The following ACAA2 variants were observed in gnomAD, a reference collection of about 807,000 sequenced individuals.
ACAA2 encodes 3-ketoacyl-CoA thiolase, mitochondrial.
ACAA2 carries 35 observed loss-of-function variants against 44.8 expected under a neutral mutation model. That is an observed-to-expected ratio of 0.78 (90% CI 0.60 to 1.04). The LOEUF (loss-of-function observed/expected upper bound fraction) is 1.04. Ranked by LOEUF, ACAA2 falls within the 50% of genes least tolerant of loss-of-function variation. The probability of loss-of-function intolerance (pLI) is 0.00; values close to 1 mark genes in which losing one functional copy is unlikely to be tolerated. For synonymous variants in ACAA2, 142 were observed against 166.5 expected (o/e 0.85, Z 1.13); for missense variants, 468 against 482.6 (o/e 0.97, Z 0.28).
At chr18:49,806,051 C>T (rs544923080) in intron 1 of ACAA2, among the ~76,000 whole-genome samples, 3 of 152,248 alleles carry the variant, frequency 2.0e-5, no homozygotes, top group South Asian at 2.1e-4. Context: ...ACAACTACTA[C>T]CTGACGGTCT....
At chr18:49,812,399 T>C (rs1343326264) in intron 1 of ACAA2, among the ~76,000 whole-genome samples, 1 of 152,200 alleles carries the variant, frequency 6.6e-6, no homozygotes, top group African/African-American at 2.4e-5. Flanking sequence ...GGCATCATCA[T>C]GAACACGGTT....
At chr18:49,808,388 C>G (rs1484550573) in intron 1 of ACAA2, among the ~76,000 whole-genome samples, 1 of 152,182 alleles carries the variant, frequency 6.6e-6, no homozygotes, top group Non-Finnish European at 1.5e-5. Context: ...TATGTTCAAA[C>G]AAAAACCTGC....
At chr18:49,800,057 G>C (rs188524751) in intron 2 of ACAA2, among the ~76,000 whole-genome samples, 1 of 151,328 alleles carries the variant, frequency 6.6e-6, no homozygotes, top group Non-Finnish European at 1.5e-5. Flanking sequence ...GTCTCCGCCC[G>C]GCAACCACGC....
chr18:49,801,904 A>G (rs2143970659), intron 2 of ACAA2, among the ~76,000 whole-genome samples: 1 of 151,320 alleles, frequency 6.6e-6, no homozygotes, highest in South Asian at 2.1e-4. Context: ...TATCCAACAA[A>G]TGTTTGTATA....
chr18:49,805,101 C>T (rs1248473865), intron 1 of ACAA2, among the ~76,000 whole-genome samples: 1 of 152,192 alleles, frequency 6.6e-6, no homozygotes, highest in Admixed American at 6.5e-5. Flanking sequence ...ACTTTATTCT[C>T]TCCAAGACAA....
intron 8 of ACAA2, 81 bp from the exon 9 acceptor site, chr18:49,785,432 C>T: frequency 7.3e-7 from 1 of 1,362,998 alleles, no homozygotes; most frequent in Non-Finnish European, 1.0e-6. Context: ...GTCCTATCAA[C>T]AGCTAAGTCT....
At chr18:49,789,655 T>C (rs1450543529) in intron 7 of ACAA2, among the ~76,000 whole-genome samples, 1 of 152,198 alleles carries the variant, frequency 6.6e-6, no homozygotes, top group East Asian at 1.9e-4. Flanking sequence ...TGTTTGATCA[T>C]CAAAAGCATC....
chr18:49,787,918 G>C (rs915739274), intron 7 of ACAA2, among the ~76,000 whole-genome samples: 1 of 152,120 alleles, frequency 6.6e-6, no homozygotes, highest in Non-Finnish European at 1.5e-5. Flanking sequence ...GAATTTTCAG[G>C]CCCATTTGGA....
At chr18:49,812,213 T>G (rs1192713820) in intron 1 of ACAA2, among the ~76,000 whole-genome samples, 1 of 152,222 alleles carries the variant, frequency 6.6e-6, no homozygotes, top group Admixed American at 6.5e-5. Flanking sequence ...ATTTTTCCCT[T>G]GATTTGTTCC....
At chr18:49,811,238 C>A (rs939978789) in intron 1 of ACAA2, among the ~76,000 whole-genome samples, 2 of 151,978 alleles carry the variant, frequency 1.3e-5, no homozygotes, top group Admixed American at 6.6e-5. Context: ...AGGAAAAGCA[C>A]CACTAGGAAA....
Position 49,783,500 on chromosome 18 carries a change from TAACTG to T in ACAA2, c.*342_*346del, listed in dbSNP as rs1292254242. The T allele has an allele frequency of 2.2e-5, 4 of 179,662 alleles. No individual in the cohort carries two copies. The highest frequency in any genetic ancestry group is 1.6e-4 in the South Asian group (1 of 6,186). The allele number at this position is 179,662 out of a possible 1,614,324, so 11.1% of individuals were successfully genotyped here. A position where few individuals can be genotyped will look rare whatever the true frequency, so the allele number is the denominator to read the frequency against. ...AAAAATATAAATGACAGGAAAATAT[TAACTG>T]AAGTTAAGGCAACATTTATTTGATT... On this transcript the variant is annotated 3_prime_UTR_variant, in exon 10 of 10. Transcript: ENST00000285093.
At chr18:49,788,934 T>C (rs1242211901) in intron 7 of ACAA2, among the ~76,000 whole-genome samples, 1 of 152,234 alleles carries the variant, frequency 6.6e-6, no homozygotes, top group Non-Finnish European at 1.5e-5. Flanking sequence ...TGCATCTCTC[T>C]GGGCAACAAG....
At chr18:49,805,750 CCTTT>C (rs2023603808) in intron 1 of ACAA2, among the ~76,000 whole-genome samples, 1 of 151,646 alleles carries the variant, frequency 6.6e-6, no homozygotes, top group South Asian at 2.1e-4. Flanking sequence ...CTAATTTTTA[CCTTT>C]TTTTCTTTTT....
At chr18:49,787,643 TAAAAAAGA>T (rs1213751884) in intron 7 of ACAA2, among the ~76,000 whole-genome samples, 3 of 151,210 alleles carry the variant, frequency 2.0e-5, no homozygotes, top group Non-Finnish European at 4.4e-5. Context: ...ACCCCATCTC[TAAAAAAGA>T]AAAAAAATAA....
rs183581727 is a variant in ACAA2, at chr18:49,801,812, A to C, written c.183+875T>G. ...TATATATATATATATATATATATATATATCTTATCTTTTTCATTAGATTAT... is the reference window on the plus strand; with the variant it reads ...TATATATATATATATATATATATATCTATCTTATCTTTTTCATTAGATTAT... On this transcript the variant is annotated intron_variant, in intron 2 of 9. Transcript: ENST00000285093. Among the ~76,000 whole-genome samples the C allele has an allele frequency of 2.2e-3, 319 of 143,260 alleles. 4 individuals are homozygous for C. The highest frequency in any genetic ancestry group is 3.6e-3 in the Middle Eastern group (1 of 276). 94.0% of individuals were successfully genotyped at this position (143,260 alleles called of 152,430 possible).
At chr18:49,785,154 T>TA (rs750432803) in intron 9 of ACAA2, 43 bp downstream of exon 9, 36 of 1,596,816 alleles carry the variant, frequency 2.3e-5, no homozygotes, top group Non-Finnish European at 3.1e-5. Context: ...TGCATTTCTA[T>TA]AAAAAACAGC....
intron 3 of ACAA2, 44 bp downstream of exon 3, chr18:49,797,422 C>G: frequency 2.6e-6 from 4 of 1,564,104 alleles, no homozygotes; most frequent in Non-Finnish European, 3.5e-6. Flanking sequence ...CTTCTAGTAA[C>G]TATTAACATA....
intron 1 of ACAA2, among the ~76,000 whole-genome samples, chr18:49,806,945 GA>G (rs563444491): frequency 4.8e-5 from 7 of 147,166 alleles, no homozygotes; most frequent in African/African-American, 5.0e-5. Flanking sequence ...AAGAACAGAT[GA>G]AAAAAAAAAG....
chr18:49,807,574 A>G (rs2143979856), intron 1 of ACAA2, among the ~76,000 whole-genome samples: 1 of 152,296 alleles, frequency 6.6e-6, no homozygotes, highest in South Asian at 2.1e-4. Flanking sequence ...GCTCATGCCT[A>G]TAATCCCAGC....
Sources: gnomAD v4.1 joint callset for allele counts (sites outside exome capture counted in the v4.1 genomes callset) on GRCh38, gnomAD v4.1.1 for gene constraint, MANE v1.5 for transcripts, NCBI Gene and HGNC (gene_info 2026-07-23, HGNC 2026-07-21) for gene names.